Variants in SSR3 observed in about 807,000 individuals in gnomAD.
SSR3 encodes signal sequence receptor subunit 3.
A neutral mutation model predicts 22.1 loss-of-function variants in SSR3; 10 were observed. That is an observed-to-expected ratio of 0.45 (90% CI 0.28 to 0.77). The LOEUF is 0.77. Among genes scored for constraint, SSR3 ranks in the 30% least tolerant of loss-of-function variants. The probability of loss-of-function intolerance (pLI) is 0.13; values close to 1 mark genes in which losing one functional copy is unlikely to be tolerated. For missense variants in SSR3, 181 were observed against 220.5 expected, an observed-to-expected ratio of 0.82 and a Z score of 1.13; for synonymous variants, 104 against 82.5, an observed-to-expected ratio of 1.26 and a Z score of -1.42.
At chr3:156,552,840 T>C (rs1284622663) in intron 2 of SSR3, among the ~76,000 whole-genome samples, 1 of 152,226 alleles carries the variant, frequency 6.6e-6, no homozygotes, top group Non-Finnish European at 1.5e-5. Flanking sequence ...TAAGTCTACG[T>C]GATCCTGCAT....
chr3:156,545,165 G>A (rs947949627), intron 3 of SSR3, among the ~76,000 whole-genome samples: 4 of 152,156 alleles, frequency 2.6e-5, no homozygotes, highest in African/African-American at 9.7e-5. Context: ...ACTTTGTAAA[G>A]CAGTTTTTAA....
At chr3:156,553,468 G>C (rs1720034141) in intron 2 of SSR3, among the ~76,000 whole-genome samples, 187 bp downstream of exon 2, 1 of 152,130 alleles carries the variant, frequency 6.6e-6, no homozygotes, top group African/African-American at 2.4e-5. Context: ...GTGTCAGAAT[G>C]ATCATTGTCT....
At position 156,548,993 on chromosome 3, in the gene SSR3, T is replaced by C; in HGVS notation, c.271A>G (p.Lys91Glu). The change falls in exon 3 of 5, where the codon AAG becomes GAG. Residue 91 changes from lysine to glutamate, a missense_variant. By Grantham distance (56) the Lys-to-Glu change is moderately conservative (BLOSUM62 1). Transcript: ENST00000265044. ...TCTTTGGAAACAGCATCCTCCCTCT[T>C]CTGTGCTACTCTGGAAGAAAAAGAA... ...KFVLKHKVAQ[K>E]REDAVSKEVT... 6.2e-7 allele frequency: 1 copy of C among 1,608,930 alleles called. No individual in the cohort carries two copies. Among genetic ancestry groups the C allele is most frequent in the East Asian group, 2.2e-5 (1 of 44,824 alleles).
chr3:156,554,798 A>C, intron 1 of SSR3, 159 bp downstream of exon 1: 1 of 954,488 alleles, frequency 1.0e-6, no homozygotes, highest in East Asian at 2.6e-5. Flanking sequence ...CACTGTGCCC[A>C]AAGAAGAGGC....
chr3:156,554,704 T>C, intron 1 of SSR3: 6 of 504,664 alleles, frequency 1.2e-5, no homozygotes, highest in South Asian at 5.2e-5. Flanking sequence ...GTTAACCACC[T>C]TCTCCTGGGG....
At chr3:156,554,881 C>G in intron 1 of SSR3, 76 bp downstream of exon 1, 2 of 1,540,882 alleles carry the variant, frequency 1.3e-6, no homozygotes, top group Non-Finnish European at 8.7e-7. Context: ...CTTCCCTGCT[C>G]GCCGGGTCCT....
rs1719484650 is a variant in SSR3 at position 156,541,321 on chromosome 3, T to C, written c.*1882A>G. 6.6e-6 allele frequency: 1 copy of C among 152,166 alleles called. No individual in the cohort carries two copies. 9.4% of individuals were successfully genotyped at this position (152,166 alleles called of 1,614,324 possible). Reference sequence around the variant, plus strand: ...TAGTGGACACTGATGGTTTGTCAAATAAGCAAATGCATTTATTTGATACAC... The same window carrying C: ...TAGTGGACACTGATGGTTTGTCAAACAAGCAAATGCATTTATTTGATACAC... On this transcript the variant is annotated 3_prime_UTR_variant, in exon 5 of 5. Coordinates refer to ENST00000265044, the MANE Select transcript of SSR3 (RefSeq NM_007107.5).
chr3:156,542,865 T>C lies in SSR3; in HGVS notation c.*338A>G, dbSNP rs547130077. On this transcript the variant is annotated 3_prime_UTR_variant, in exon 5 of 5. Coordinates refer to ENST00000265044, the MANE Select transcript of SSR3 (RefSeq NM_007107.5). Reference sequence around the variant, plus strand: ...CCAGTTATTAACTTCCTACTACTATTATATAATAAATAATAACAGCTCGGC... The same window carrying C: ...CCAGTTATTAACTTCCTACTACTATCATATAATAAATAATAACAGCTCGGC... 4.3e-6 allele frequency: 1 copy of C among 230,910 alleles called. No homozygotes were observed. Among genetic ancestry groups the C allele is most frequent in the African/African-American group, 2.2e-5 (1 of 44,604 alleles). The allele number at this position is 230,910 out of a possible 1,614,324, so 14.3% of individuals were successfully genotyped here.
rs758353838 is a variant in SSR3, at chr3:156,543,276, G to A, written c.492-7C>T. 8.1e-6 allele frequency: 13 copies of A among 1,611,680 alleles called. No homozygotes were observed. In the African/African-American group the frequency reaches 1.7e-4, roughly 22 times the overall value. ...TATGGACAATATGTAGTTCCTGTAA[G>A]AAATTTAATGTTATGGAAAAATGAG... On this transcript the variant is annotated splice_polypyrimidine_tract_variant and splice_region_variant and intron_variant, in intron 4 of 4. Transcript: ENST00000265044.
rs1185113953 is a variant in SSR3, at chr3:156,541,066, AG to A, written c.*2136del. ...CAGTGCTGTAGGAAAAATTCACAAC[AG>A]TAAACAAATTTTGCTCACTCATTTT... is the stretch of plus-strand genomic sequence containing the variant. On this transcript the variant is annotated 3_prime_UTR_variant, in exon 5 of 5. Coordinates refer to ENST00000265044, the MANE Select transcript of SSR3 (RefSeq NM_007107.5). 5 of 152,238 alleles carry A rather than the reference AG, an allele frequency of 3.3e-5. No homozygotes were observed. Among genetic ancestry groups the A allele is most frequent in the Non-Finnish European group, 7.3e-5 (5 of 68,040 alleles). 9.4% of individuals were successfully genotyped at this position (152,238 alleles called of 1,614,324 possible). A position where few individuals can be genotyped will look rare whatever the true frequency, so the allele number is the denominator to read the frequency against.
Position 156,544,385 on chromosome 3 carries a change from G to T in SSR3, c.414C>A (p.Ile138=), listed in dbSNP as rs1394251974. 2 of 1,596,126 alleles carry T rather than the reference G, an allele frequency of 1.3e-6. No individual in the cohort carries two copies. The highest frequency in any genetic ancestry group is 1.3e-5 in the African/African-American group (1 of 74,288). ...VADYEATTFS[I]FYNNTLFLVV... is the part of the protein sequence containing the mutation. Reference sequence around the variant, plus strand: ...CCAGGAACAGAGTGTTGTTATAGAAGATGGAAAATGTTGTAGCTTCATAAT... The same window carrying T: ...CCAGGAACAGAGTGTTGTTATAGAATATGGAAAATGTTGTAGCTTCATAAT... Residue 138 remains isoleucine (I), a synonymous_variant, in exon 4 of 5, where the codon ATC becomes ATA. Transcript: ENST00000265044.
chr3:156,543,099 G>T lies in SSR3; in HGVS notation c.*104C>A. On this transcript the variant is annotated 3_prime_UTR_variant, in exon 5 of 5. Transcript: ENST00000265044. ...TCTGCTGGGTTTTTTAAAGGCTCTA[G>T]ACTATAAAAACATCTTGTGTCTCCC... 1 of 924,676 alleles carries T rather than the reference G, an allele frequency of 1.1e-6. No homozygotes were observed. Among genetic ancestry groups the T allele is most frequent in the Non-Finnish European group, 1.7e-6 (1 of 596,526 alleles). 57.3% of individuals were successfully genotyped at this position (924,676 alleles called of 1,614,324 possible). A position where few individuals can be genotyped will look rare whatever the true frequency, so the allele number is the denominator to read the frequency against.
chr3:156,546,476 T>G (rs1719766497), intron 3 of SSR3, among the ~76,000 whole-genome samples: 3 of 152,198 alleles, frequency 2.0e-5, no homozygotes, highest in Admixed American at 2.0e-4. Flanking sequence ...GGCCCAATCC[T>G]TTAGATTTCC....
At chr3:156,554,743 C>T in intron 1 of SSR3, 1 of 607,320 alleles carries the variant, frequency 1.6e-6, no homozygotes, top group Non-Finnish European at 2.8e-6. Context: ...GTACTTTTAA[C>T]AAGTGACCTC....
intron 3 of SSR3, among the ~76,000 whole-genome samples, chr3:156,548,240 T>C (rs1006832247): frequency 4.6e-5 from 7 of 152,178 alleles, no homozygotes; most frequent in African/African-American, 1.7e-4. Context: ...CAATAAGCCT[T>C]CTAAGAGCAG....
intron 3 of SSR3, among the ~76,000 whole-genome samples, chr3:156,544,860 A>G (rs1719705113): frequency 6.6e-6 from 1 of 152,200 alleles, no homozygotes; most frequent in Non-Finnish European, 1.5e-5. Flanking sequence ...TCAGACTTCA[A>G]TATCACACCT....
intron 1 of SSR3, 52 bp downstream of exon 1, chr3:156,554,905 C>T (rs2108452001): frequency 6.3e-7 from 1 of 1,581,608 alleles, no homozygotes; most frequent in East Asian, 2.3e-5. Context: ...ACGTCCCCGC[C>T]CAGCCCGACT....
At chr3:156,550,282 T>TA (rs1719905500) in intron 2 of SSR3, among the ~76,000 whole-genome samples, 3 of 152,342 alleles carry the variant, frequency 2.0e-5, no homozygotes, top group African/African-American at 7.2e-5. Flanking sequence ...ACTATCAAGT[T>TA]GTTAGCACAC....
chr3:156,553,863 T>C (rs1720055879), intron 1 of SSR3, 82 bp from the exon 2 acceptor site: 6 of 1,387,702 alleles, frequency 4.3e-6, no homozygotes, highest in East Asian at 2.4e-5. Context: ...AAATTAATTA[T>C]AGCTAAGCCT....
Sources: gnomAD v4.1 joint callset for allele counts (sites outside exome capture counted in the v4.1 genomes callset) on GRCh38, gnomAD v4.1.1 for gene constraint, MANE v1.5 for transcripts, NCBI Gene and HGNC (gene_info 2026-07-23, HGNC 2026-07-21) for gene names.